Variants in ZNF496 observed in about 807,000 individuals in gnomAD.
The protein encoded by ZNF496 is zinc finger protein 496, also known as NSD1 (nuclear receptor binding SET-domain containing 1)-interacting zinc finger protein 1.
ZNF496 carries 11 observed loss-of-function variants against 58.9 expected under a neutral mutation model. That is an observed-to-expected ratio of 0.19 (90% CI 0.12 to 0.31). The LOEUF (loss-of-function observed/expected upper bound fraction) is 0.31. Ranked by LOEUF, ZNF496 falls within the 10% of genes least tolerant of loss-of-function variation. The probability of loss-of-function intolerance (pLI) is 1.00; values close to 1 mark genes in which losing one functional copy is unlikely to be tolerated. For synonymous variants in ZNF496, 338 were observed against 318.2 expected (o/e 1.06, Z -0.66); for missense variants, 660 against 783.0 (o/e 0.84, Z 1.88).
chr1:247,300,539 G>A lies in ZNF496; in HGVS notation c.1744C>T (p.Gln582Ter). 6.2e-7 allele frequency: 1 copy of A among 1,609,664 alleles called. No individual in the cohort carries two copies. The highest frequency in any genetic ancestry group is 1.7e-5 in the Admixed American group (1 of 59,846). ...GAGGCTCAGTAGGAGTTCAGAGCCTGCTTGGAACGGCGCTTCATGTGCAGG... is the reference window on the plus strand; with the variant it reads ...GAGGCTCAGTAGGAGTTCAGAGCCTACTTGGAACGGCGCTTCATGTGCAGG... ...ERLHMKRRSK[Q>*]ALNSY The change falls in exon 10 of 10, where the codon CAG becomes TAG. Residue 582 changes from glutamine to a stop codon, truncating the protein, a stop_gained. Coordinates refer to ENST00000682384, the MANE Select transcript of ZNF496 (RefSeq NM_032752.3). LOFTEE classifies it high-confidence loss of function. This position sits in a 1 kb window ranked among gnomAD's most constrained non-coding sequence, Gnocchi z 5.7.
At chr1:247,307,311 C>A (rs1659445436) in intron 9 of ZNF496, 1 of 985,446 alleles carries the variant, frequency 1.0e-6, no homozygotes, top group East Asian at 1.1e-4. Flanking sequence ...CAGTAGCAAC[C>A]CTTGGCTTCT....
Position 247,298,641 on chromosome 1 carries a change from G to GT in ZNF496, c.*1877dup, listed in dbSNP as rs1659150584. ...AGAGTTTTCCTGATGTGAAAATTAC[G>GT]TGAGTGACAAGGAGCACCAGGAGCC... is the stretch of plus-strand genomic sequence containing the variant. On this transcript the variant is annotated 3_prime_UTR_variant, in exon 10 of 10. Coordinates refer to ENST00000682384, the MANE Select transcript of ZNF496 (RefSeq NM_032752.3). 6.6e-6 allele frequency: 1 copy of GT among 152,258 alleles called. No individual in the cohort carries two copies. Among genetic ancestry groups the GT allele is most frequent in the African/African-American group, 2.4e-5 (1 of 41,460 alleles). The allele number at this position is 152,258 out of a possible 1,614,324, so 9.4% of individuals were successfully genotyped here. A position where few individuals can be genotyped will look rare whatever the true frequency, so the allele number is the denominator to read the frequency against.
rs375416644 is a variant in ZNF496, at chr1:247,300,904, T to C, written c.1379A>G (p.Gln460Arg). 372 of 1,612,768 alleles carry C rather than the reference T, an allele frequency of 2.3e-4. No individual in the cohort carries two copies. The highest frequency in any genetic ancestry group is 3.0e-4 in the Non-Finnish European group (358 of 1,179,334). Residue 460 changes from glutamine to arginine, a missense_variant, in exon 10 of 10, where the codon CAG (glutamine) becomes CGG (arginine). Physicochemically the swap from Gln to Arg is conservative, Grantham distance 43 (BLOSUM62 1). Coordinates refer to ENST00000682384, the MANE Select transcript of ZNF496 (RefSeq NM_032752.3). The surrounding 1 kb of genome is among the most constrained non-coding windows in gnomAD (Gnocchi z 5.7). Reference sequence around the variant, plus strand: ...GCAGGCACCACACCGGTAAGGCTTCTGGGCCTCGTGGCTCTCTAGGTGCCC... The same window carrying C: ...GCAGGCACCACACCGGTAAGGCTTCCGGGCCTCGTGGCTCTCTAGGTGCCC... The part of the protein sequence containing the change: ...LDGHLESHEA[Q>R]KPYRCGACGK...
At chr1:247,320,913 G>T (rs1264011378) in intron 6 of ZNF496, among the ~76,000 whole-genome samples, 1 of 152,150 alleles carries the variant, frequency 6.6e-6, no homozygotes, top group Non-Finnish European at 1.5e-5. Context: ...GGTGGCTCAC[G>T]CCTGTAATCC....
chr1:247,331,237 T>C (rs1266764981), intron 2 of ZNF496, among the ~76,000 whole-genome samples, 195 bp downstream of exon 2: 2 of 152,144 alleles, frequency 1.3e-5, no homozygotes, highest in African/African-American at 4.8e-5. Flanking sequence ...ATGAATGAAC[T>C]AACGTGAGTG....
At chr1:247,324,838 T>A (rs1660073155) in intron 5 of ZNF496, among the ~76,000 whole-genome samples, 1 of 152,226 alleles carries the variant, frequency 6.6e-6, no homozygotes, top group Non-Finnish European at 1.5e-5. Flanking sequence ...AAGACCCTCA[T>A]ACAAAATGTA....
intron 6 of ZNF496, among the ~76,000 whole-genome samples, chr1:247,319,404 C>T (rs558314901): frequency 8.7e-4 from 133 of 152,280 alleles, no homozygotes; most frequent in Non-Finnish European, 1.5e-3. Context: ...CAAAAATATA[C>T]ATACACTCAA....
chr1:247,316,229 G>A (rs1259409262), intron 6 of ZNF496, among the ~76,000 whole-genome samples: 1 of 125,320 alleles, frequency 8.0e-6, no homozygotes, highest in Admixed American at 8.0e-5. Flanking sequence ...GTGTGTGTGT[G>A]TGTGTGTGAG....
At chr1:247,304,175 A>C (rs1403408347) in intron 9 of ZNF496, 2 of 281,462 alleles carry the variant, frequency 7.1e-6, no homozygotes, top group Non-Finnish European at 1.4e-5. Flanking sequence ...AAAGGGAAGA[A>C]TGACTCCAAA....
chr1:247,305,676 T>C lies in ZNF496; in HGVS notation c.1006+2799A>G, dbSNP rs866590264. ...AAAAACCAAAATGATAAAGGCATTA[T>C]TAAAAACTGTAAAATATTCTTGTAA... On this transcript the variant is annotated intron_variant, in intron 9 of 9. Transcript: ENST00000682384. 7.2e-5 allele frequency among the ~76,000 whole-genome samples: 11 copies of C among 152,346 alleles called. No individual in the cohort carries two copies. In the Middle Eastern group the frequency reaches 0.014, roughly 188 times the overall value.
chr1:247,303,956 T>G (rs1659325487), intron 9 of ZNF496: 1 of 275,776 alleles, frequency 3.6e-6, no homozygotes, highest in Non-Finnish European at 7.4e-6. Flanking sequence ...TCCAGGAAGG[T>G]CTATGGAGGA....
At chr1:247,302,577 G>A (rs569100869) in intron 9 of ZNF496, among the ~76,000 whole-genome samples, 1 of 152,088 alleles carries the variant, frequency 6.6e-6, no homozygotes, top group Non-Finnish European at 1.5e-5. Context: ...CCCATCTCAG[G>A]TGATCCACCT....
intron 6 of ZNF496, among the ~76,000 whole-genome samples, chr1:247,321,627 T>C (rs1408505068): frequency 6.6e-6 from 1 of 152,224 alleles, no homozygotes; most frequent in African/African-American, 2.4e-5. Flanking sequence ...GAAGAAACTA[T>C]CAGAGTAATA....
At chr1:247,311,101 C>T (rs1051441427) in intron 6 of ZNF496, 1 of 152,488 alleles carries the variant, frequency 6.6e-6, no homozygotes, top group Non-Finnish European at 1.5e-5. Context: ...AAGTTATGTG[C>T]CTTCCAAATA....
chr1:247,301,042 A>G lies in ZNF496; in HGVS notation c.1241T>C (p.Ile414Thr), dbSNP rs1453171958. ...KSYVCPNCGK[I>T]FRWRVNFIRH... ...GATGAAGTTGACCCTCCAGCGGAAGATTTTCCCACAGTTCGGACACACGTA... is the reference window on the plus strand; with the variant it reads ...GATGAAGTTGACCCTCCAGCGGAAGGTTTTCCCACAGTTCGGACACACGTA... The change falls in exon 10 of 10, where the codon ATC becomes ACC. Residue 414 changes from isoleucine (I) to threonine (T), a missense_variant. Coordinates refer to ENST00000682384, the MANE Select transcript of ZNF496 (RefSeq NM_032752.3). 1.9e-6 allele frequency: 3 copies of G among 1,613,496 alleles called. No homozygotes were observed. The highest frequency in any genetic ancestry group is 2.2e-5 in the East Asian group (1 of 44,854).
intron 5 of ZNF496, among the ~76,000 whole-genome samples, chr1:247,326,285 G>A (rs1006031521): frequency 3.9e-5 from 6 of 152,010 alleles, no homozygotes; most frequent in Admixed American, 6.6e-5. Context: ...TCTTCAAGAT[G>A]AGGAACTATA....
chr1:247,319,816 G>C (rs893369643), intron 6 of ZNF496, among the ~76,000 whole-genome samples: 30 of 152,028 alleles, frequency 2.0e-4, no homozygotes, highest in Non-Finnish European at 1.3e-4. Context: ...TCAGCTACTC[G>C]GGAAGCTGAG....
Position 247,309,598 on chromosome 1 carries a change from C to A in ZNF496, c.892+101G>T. On this transcript the variant is annotated intron_variant, in intron 8 of 9. Transcript: ENST00000682384. The surrounding 1 kb of genome is among the most constrained non-coding windows in gnomAD (Gnocchi z 4.3). ...ATAGAGTCTGGGGAAATGAAGAAGG[C>A]AATTAGGGGCCGCAGAGAGAAGCCA... The A allele has an allele frequency of 6.6e-7, 1 of 1,517,302 alleles. No homozygotes were observed. The highest frequency in any genetic ancestry group is 8.8e-7 in the Non-Finnish European group (1 of 1,131,280). The allele number at this position is 1,517,302 out of a possible 1,614,324, so 94.0% of individuals were successfully genotyped here.
At chr1:247,307,360 G>C (rs569357514) in intron 9 of ZNF496, 2 of 985,422 alleles carry the variant, frequency 2.0e-6, no homozygotes, top group African/African-American at 3.5e-5. Context: ...TCCAGCAAGG[G>C]AAGAATGGAG....
Sources: gnomAD v4.1 joint callset for allele counts (sites outside exome capture counted in the v4.1 genomes callset) on GRCh38, gnomAD v4.1.1 for gene constraint, Gnocchi (gnomAD v3.1) non-coding constraint, MANE v1.5 for transcripts, NCBI Gene and HGNC (gene_info 2026-07-23, HGNC 2026-07-21) for gene names.